Variants in PACS2 observed in about 807,000 individuals in gnomAD.
PACS2 encodes phosphofurin acidic cluster sorting protein 2.
In PACS2, 36 loss-of-function variants were observed where a neutral mutation model predicts 113.0. That is an observed-to-expected ratio of 0.32 (90% CI 0.24 to 0.42). The LOEUF (loss-of-function observed/expected upper bound fraction) is 0.42, where lower values mean the gene tolerates loss of function less well. Among genes scored for constraint, PACS2 ranks in the 10% least tolerant of loss-of-function variants. The pLI, the probability that PACS2 is intolerant of heterozygous loss-of-function variation, is 1.00. For missense variants in PACS2, 1,015 were observed against 1,239.5 expected (o/e 0.82, Z 2.72); for synonymous variants, 589 against 536.1 (o/e 1.10, Z -1.36).
At chr14:105,385,872 G>A (rs116574498) in intron 19 of PACS2, among the ~76,000 whole-genome samples, 155 bp downstream of exon 19, 260 of 152,264 alleles carry the variant, frequency 1.7e-3, no homozygotes, top group African/African-American at 5.7e-3. Context: ...GAGCCCGCAC[G>A]GGAGAGGGGA....
At chr14:105,301,466 C>T (rs1009657832) in intron 1 of PACS2, among the ~76,000 whole-genome samples, 10 of 151,582 alleles carry the variant, frequency 6.6e-5, no homozygotes, top group Admixed American at 4.6e-4. Flanking sequence ...GGCCTTGGCT[C>T]CTGAGGGCGA....
At chr14:105,394,037 C>CAAAA (rs35175118) in intron 24 of PACS2, among the ~76,000 whole-genome samples, 11 of 72,094 alleles carry the variant, frequency 1.5e-4, no homozygotes, top group East Asian at 5.4e-4. Flanking sequence ...GACTCCGCCT[C>CAAAA]AAAAAAAAAA....
At chr14:105,379,004 A>G (rs913107109) in intron 9 of PACS2, among the ~76,000 whole-genome samples, 1 of 147,816 alleles carries the variant, frequency 6.8e-6, no homozygotes. Flanking sequence ...GTGGTCCGGA[A>G]AGGCATGGAT....
chr14:105,364,485 T>TGCGCGGTGGGC (rs1566943560), intron 4 of PACS2, among the ~76,000 whole-genome samples: 7 of 70,776 alleles, frequency 9.9e-5, no homozygotes, highest in African/African-American at 2.2e-4. Flanking sequence ...GCGCGGTGGG[T>TGCGCGGTGGGC]GGCGGCCCGG....
At chr14:105,302,643 T>C (rs1292616817) in intron 1 of PACS2, among the ~76,000 whole-genome samples, 1 of 152,034 alleles carries the variant, frequency 6.6e-6, no homozygotes, top group East Asian at 1.9e-4. Context: ...TGGAGTGCAG[T>C]AGCATAATCA....
chr14:105,387,901 G>C (rs1555413972), intron 19 of PACS2, among the ~76,000 whole-genome samples: 1 of 152,238 alleles, frequency 6.6e-6, no homozygotes, highest in East Asian at 1.9e-4. Flanking sequence ...GGAGGACACA[G>C]ATGTCACAGA....
In PACS2 at chr14:105,366,027, G is replaced by A. The variant is rs1456967867; in HGVS notation, c.424-1186G>A. On this transcript the variant is annotated intron_variant, in intron 4 of 24. Transcript: ENST00000447393. The surrounding 1 kb of genome is among the most constrained non-coding windows in gnomAD (Gnocchi z 4.3). The stretch of plus-strand genomic sequence containing the variant: ...TTTACCTTGATTAATTGAAGAATTA[G>A]CAGCCCAAATCAGGACCCCACAATC... Among the ~76,000 whole-genome samples the A allele has an allele frequency of 6.6e-6, 1 of 152,234 alleles. No homozygotes were observed. Among genetic ancestry groups the A allele is most frequent in the Non-Finnish European group, 1.5e-5 (1 of 68,046 alleles).
rs1313720444 is a variant in PACS2 at position 105,330,491 on chromosome 14, G to A, written c.119+15454G>A. 6.6e-6 allele frequency among the ~76,000 whole-genome samples: 1 copy of A among 152,176 alleles called. No individual in the cohort carries two copies. Among genetic ancestry groups the A allele is most frequent in the African/African-American group, 2.4e-5 (1 of 41,442 alleles). On this transcript the variant is annotated intron_variant, in intron 1 of 24. Transcript: ENST00000447393. This position sits in a 1 kb window ranked among gnomAD's most constrained non-coding sequence, Gnocchi z 6.9. ...TACTGTGCCGCAGAGTTTTCTTTCC[G>A]AGCACTCAATGCTCACCTCCTGGGA...
In PACS2 at chr14:105,317,715, G is replaced by A. The variant is rs1048111662; in HGVS notation, c.119+2678G>A. Among the ~76,000 whole-genome samples the A allele has an allele frequency of 2.6e-5, 4 of 152,070 alleles. No individual in the cohort carries two copies. The highest frequency in any genetic ancestry group is 9.7e-5 in the African/African-American group (4 of 41,402). On this transcript the variant is annotated intron_variant, in intron 1 of 24. Transcript: ENST00000447393. This position sits in a 1 kb window ranked among gnomAD's most constrained non-coding sequence, Gnocchi z 4.2. ...AGGATGTCCCCGTCCAGTTATGAGCGAGTCTTTGCTCTCTGAGCAGCCTCT... is the reference window on the plus strand; with the variant it reads ...AGGATGTCCCCGTCCAGTTATGAGCAAGTCTTTGCTCTCTGAGCAGCCTCT...
Position 105,366,208 on chromosome 14 carries a change from C to T in PACS2, c.424-1005C>T, listed in dbSNP as rs907745628. Among the ~76,000 whole-genome samples the T allele has an allele frequency of 1.3e-5, 2 of 152,114 alleles. No individual in the cohort carries two copies. The highest frequency in any genetic ancestry group is 2.4e-5 in the African/African-American group (1 of 41,408). The stretch of plus-strand genomic sequence containing the variant: ...ACTAAAAATACAAAACTTAGCTGGG[C>T]GTGCTGGCAGATGCCTGTAATCCCA... On this transcript the variant is annotated intron_variant, in intron 4 of 24. Coordinates refer to ENST00000447393, the MANE Select transcript of PACS2 (RefSeq NM_001100913.3). This position sits in a 1 kb window ranked among gnomAD's most constrained non-coding sequence, Gnocchi z 4.3.
chr14:105,361,880 C>T (rs912681295), intron 4 of PACS2, among the ~76,000 whole-genome samples: 9 of 151,858 alleles, frequency 5.9e-5, no homozygotes, highest in African/African-American at 1.2e-4. Context: ...ACCCAGGAGG[C>T]GGAAATTGCA....
At chr14:105,360,647 G>A (rs782589852) in intron 4 of PACS2, among the ~76,000 whole-genome samples, 7 of 151,806 alleles carry the variant, frequency 4.6e-5, no homozygotes, top group South Asian at 2.1e-4. Context: ...GGTGCTGACC[G>A]GTCAGAGTGT....
At chr14:105,384,511 GC>G in intron 17 of PACS2, 48 bp downstream of exon 17, 2 of 1,269,230 alleles carry the variant, frequency 1.6e-6, no homozygotes, top group Non-Finnish European at 2.3e-6. Flanking sequence ...GGAGGAAGGG[GC>G]CCCGGTTTCC....
At chr14:105,391,088 C>T (rs1595185816) in intron 20 of PACS2, 119 bp from the exon 21 acceptor site, 1 of 753,066 alleles carries the variant, frequency 1.3e-6, no homozygotes. Context: ...CTGGCACCAC[C>T]TGGCCGCTCC....
chr14:105,335,331 G>A (rs2059472484), intron 1 of PACS2, among the ~76,000 whole-genome samples: 1 of 151,096 alleles, frequency 6.6e-6, no homozygotes, highest in Non-Finnish European at 1.5e-5. Context: ...TGGCTGTGAC[G>A]CTGTGGCCGG....
chr14:105,312,024 C>G (rs887257103), upstream of PACS2, among the ~76,000 whole-genome samples: 1 of 152,238 alleles, frequency 6.6e-6, no homozygotes, highest in Non-Finnish European at 1.5e-5. Context: ...GGGCTGGAGC[C>G]GCCAACTGAC....
Position 105,367,392 on chromosome 14 carries a change from C to G in PACS2, c.586+17C>G, listed in dbSNP as rs1555408223. On this transcript the variant is annotated intron_variant, in intron 5 of 24. Coordinates refer to ENST00000447393, the MANE Select transcript of PACS2 (RefSeq NM_001100913.3). ...AGTCCACGGGTGAGTGTGGTGCCAG[C>G]CCGCTCCTGCCCCTGCTGTGGGGAG... The G allele has an allele frequency of 6.2e-7, 1 of 1,608,046 alleles. No individual in the cohort carries two copies. The highest frequency in any genetic ancestry group is 1.7e-5 in the Admixed American group (1 of 59,938).
rs1473660875 is a variant in PACS2 at position 105,330,526 on chromosome 14, G to A, written c.119+15489G>A. On this transcript the variant is annotated intron_variant, in intron 1 of 24. Transcript: ENST00000447393. The surrounding 1 kb of genome is among the most constrained non-coding windows in gnomAD (Gnocchi z 6.9). ...TGCTCACCTCCTGGGAGGGAGTGGGGCCGCAGCCAGCCCTGACCCAGCTGG... is the reference window on the plus strand; with the variant it reads ...TGCTCACCTCCTGGGAGGGAGTGGGACCGCAGCCAGCCCTGACCCAGCTGG... Among the ~76,000 whole-genome samples the A allele has an allele frequency of 1.3e-5, 2 of 152,204 alleles. No homozygotes were observed. The highest frequency in any genetic ancestry group is 2.9e-5 in the Non-Finnish European group (2 of 68,024).
Position 105,393,581 on chromosome 14 carries a change from TTTTTTGTTTTGG to T in PACS2, c.2596+252_2596+263del, listed in dbSNP as rs1211492113. 414 of 446,222 alleles carry T rather than the reference TTTTTTGTTTTGG, an allele frequency of 9.3e-4. 1 individual carries two copies. Among genetic ancestry groups the T allele is most frequent in the African/African-American group, 7.7e-3 (372 of 48,014 alleles). The allele number at this position is 446,222 out of a possible 1,614,324, so 27.6% of individuals were successfully genotyped here. On this transcript the variant is annotated intron_variant, in intron 24 of 24. Transcript: ENST00000447393. ...TGACTTGTTTCGTTTTTCTTGTTTG[TTTTTTGTTTTGG>T]TTTTTTTTTTTTTGAGACAGAGTTT...
Sources: gnomAD v4.1 joint callset for allele counts (sites outside exome capture counted in the v4.1 genomes callset) on GRCh38, gnomAD v4.1.1 for gene constraint, Gnocchi (gnomAD v3.1) non-coding constraint, MANE v1.5 for transcripts, NCBI Gene and HGNC (gene_info 2026-07-23, HGNC 2026-07-21) for gene names.